KAZN: variants seen among roughly 807,000 people sequenced by gnomAD.
The protein encoded by KAZN is kazrin.
KAZN carries 40 observed loss-of-function variants against 87.4 expected under a neutral mutation model. That is an observed-to-expected ratio of 0.46 (90% CI 0.36 to 0.60). The LOEUF is 0.60. Among genes scored for constraint, KAZN ranks in the 20% least tolerant of loss-of-function variants. KAZN has a pLI of 0.00. For synonymous variants in KAZN, 466 were observed against 458.3 expected, an observed-to-expected ratio of 1.02 and a Z score of -0.22; for missense variants, 898 against 1,073.9, an observed-to-expected ratio of 0.84 and a Z score of 2.29.
chr1:14,079,751 G>C (rs1643601193), intron 1 of KAZN, among the ~76,000 whole-genome samples: 1 of 152,192 alleles, frequency 6.6e-6, no homozygotes, highest in Admixed American at 6.5e-5. Context: ...TATTCTCGGA[G>C]CAAATGGGAA....
intron 2 of KAZN, among the ~76,000 whole-genome samples, chr1:14,215,477 G>A (rs1235228112): frequency 6.6e-6 from 1 of 152,176 alleles, no homozygotes; most frequent in Non-Finnish European, 1.5e-5. Flanking sequence ...AACAACTGGG[G>A]ATTCAAAGGT....
intron 8 of KAZN, among the ~76,000 whole-genome samples, chr1:15,085,179 G>A (rs1161636367): frequency 2.6e-5 from 4 of 152,154 alleles, no homozygotes; most frequent in African/African-American, 4.8e-5. Flanking sequence ...AACGCACAGA[G>A]ATGAGATGAA....
chr1:14,528,797 C>T (rs1287388394), intron 2 of KAZN, among the ~76,000 whole-genome samples: 2 of 150,760 alleles, frequency 1.3e-5, no homozygotes, highest in Admixed American at 1.3e-4. Flanking sequence ...ACTCTCCTGA[C>T]TCTTCTTTTC....
intron 1 of KAZN, among the ~76,000 whole-genome samples, chr1:14,846,726 A>C (rs1648813353): frequency 6.6e-6 from 1 of 152,208 alleles, no homozygotes; most frequent in East Asian, 1.9e-4. Context: ...AGCTGACAAT[A>C]ACACTTACCA....
intron 2 of KAZN, among the ~76,000 whole-genome samples, chr1:14,990,909 CA>C (rs917525865): frequency 7.3e-5 from 11 of 150,712 alleles, no homozygotes; most frequent in African/African-American, 1.7e-4. Flanking sequence ...AAAAATGGAT[CA>C]GGGGAAATGT....
chr1:14,363,330 A>G (rs1427082616), intron 2 of KAZN, among the ~76,000 whole-genome samples: 1 of 152,170 alleles, frequency 6.6e-6, no homozygotes, highest in Non-Finnish European at 1.5e-5. Context: ...GGATGTTCTA[A>G]GGGCCTAGTA....
intron 2 of KAZN, among the ~76,000 whole-genome samples, chr1:14,320,618 C>T (rs1655981874): frequency 6.6e-6 from 1 of 152,164 alleles, no homozygotes; most frequent in African/African-American, 2.4e-5. Context: ...GCCATAAAAT[C>T]TGTTTCACAA....
intron 1 of KAZN, among the ~76,000 whole-genome samples, chr1:14,823,005 C>T (rs994227528): frequency 6.6e-6 from 1 of 152,082 alleles, no homozygotes; most frequent in Non-Finnish European, 1.5e-5. Context: ...AGGGGGGCTT[C>T]CCAAAGAAAA....
chr1:14,420,234 T>C (rs1241112657), intron 2 of KAZN, among the ~76,000 whole-genome samples: 1 of 152,092 alleles, frequency 6.6e-6, no homozygotes, highest in Non-Finnish European at 1.5e-5. Context: ...GATTGGTGCA[T>C]TTACCATCCT....
At chr1:15,086,918 A>G (rs1463268409) in intron 8 of KAZN, among the ~76,000 whole-genome samples, 1 of 152,258 alleles carries the variant, frequency 6.6e-6, no homozygotes, top group African/African-American at 2.4e-5. Context: ...GAAGCAGACC[A>G]CTGGGCTCCA....
intron 1 of KAZN, among the ~76,000 whole-genome samples, chr1:14,753,771 G>A (rs1644478176): frequency 6.6e-6 from 1 of 152,142 alleles, no homozygotes; most frequent in Non-Finnish European, 1.5e-5. Flanking sequence ...CTCACCTCTA[G>A]GGAGGGAACA....
At chr1:14,527,156 C>T (rs757499272) in intron 2 of KAZN, among the ~76,000 whole-genome samples, 2 of 152,164 alleles carry the variant, frequency 1.3e-5, no homozygotes, top group Non-Finnish European at 2.9e-5. Flanking sequence ...TTCATGAAGT[C>T]GTAGTCAGAC....
intron 1 of KAZN, among the ~76,000 whole-genome samples, chr1:14,823,468 C>T (rs1010079430): frequency 1.3e-5 from 2 of 152,110 alleles, no homozygotes; most frequent in Non-Finnish European, 2.9e-5. Context: ...CCCACCCCCA[C>T]TCCCAAGTAG....
At chr1:14,049,860 A>T (rs1642236613) in intron 1 of KAZN, among the ~76,000 whole-genome samples, 1 of 152,214 alleles carries the variant, frequency 6.6e-6, no homozygotes, top group Admixed American at 6.5e-5. Flanking sequence ...GAATCATGGA[A>T]TGAGTGTCCA....
At chr1:14,302,313 C>T (rs2100783411) in intron 2 of KAZN, among the ~76,000 whole-genome samples, 1 of 152,290 alleles carries the variant, frequency 6.6e-6, no homozygotes, top group Admixed American at 6.5e-5. Context: ...CAACGCAGAA[C>T]ATAATGTGGA....
rs184964466 is a variant in KAZN at position 14,359,933 on chromosome 1, G to C, written c.249+179341G>C. 2.6e-5 allele frequency among the ~76,000 whole-genome samples: 4 copies of C among 152,164 alleles called. No individual in the cohort carries two copies. In the East Asian group the frequency reaches 5.8e-4, roughly 22 times the overall value. On this transcript the variant is annotated intron_variant, in intron 2 of 16. Coordinates refer to the KAZN transcript ENST00000636203. ...TATGTCTTGTGGTTGCTCTTCTCAAGGAGTATCTTTGTGGTGGTATCTGTA... is the reference window on the plus strand; with the variant it reads ...TATGTCTTGTGGTTGCTCTTCTCAACGAGTATCTTTGTGGTGGTATCTGTA...
intron 2 of KAZN, among the ~76,000 whole-genome samples, chr1:15,001,615 C>A (rs1557703765): frequency 6.6e-6 from 1 of 152,278 alleles, no homozygotes; most frequent in South Asian, 2.1e-4. Flanking sequence ...AGGGCACTGC[C>A]CCATGAATGA....
chr1:14,052,542 A>G (rs1219492390), intron 1 of KAZN, among the ~76,000 whole-genome samples: 6 of 152,084 alleles, frequency 3.9e-5, no homozygotes, highest in African/African-American at 1.2e-4. Context: ...GGGTGGAAAA[A>G]AAAAAAAACA....
intron 2 of KAZN, among the ~76,000 whole-genome samples, chr1:14,566,325 C>T (rs1674546336): frequency 6.6e-6 from 1 of 152,168 alleles, no homozygotes; most frequent in Non-Finnish European, 1.5e-5. Flanking sequence ...TAGGTCTCAA[C>T]AATGCACTTA....
Sources: gnomAD v4.1 joint callset for allele counts (sites outside exome capture counted in the v4.1 genomes callset) on GRCh38, gnomAD v4.1.1 for gene constraint, MANE v1.5 for transcripts, NCBI Gene and HGNC (gene_info 2026-07-23, HGNC 2026-07-21) for gene names.